Variants in GRIK4 observed in about 807,000 individuals in gnomAD.
The protein encoded by GRIK4 is glutamate receptor ionotropic, kainate 4.
GRIK4 carries 40 observed loss-of-function variants against 104.9 expected under a neutral mutation model. The ratio of observed to expected loss-of-function variants is 0.38; its 90% CI spans 0.30 to 0.50. The LOEUF is 0.50. GRIK4 is among the 20% of genes least tolerant of loss of function. The pLI, the probability that GRIK4 is intolerant of heterozygous loss-of-function variation, is 0.93. For missense variants in GRIK4, 1,047 were observed against 1,308.1 expected, an observed-to-expected ratio of 0.80 and a Z score of 3.08; for synonymous variants, 485 against 524.9, an observed-to-expected ratio of 0.92 and a Z score of 1.04.
chr11:120,803,218 A>C (rs997728818), intron 4 of GRIK4, among the ~76,000 whole-genome samples: 1 of 152,176 alleles, frequency 6.6e-6, no homozygotes, highest in African/African-American at 2.4e-5. Context: ...CTTAGCCACT[A>C]CACATCTGAC....
chr11:120,691,857 C>T (rs1950369798), intron 3 of GRIK4, among the ~76,000 whole-genome samples: 1 of 152,254 alleles, frequency 6.6e-6, no homozygotes. Context: ...TATTTAGGAA[C>T]TGCTGTACTG....
chr11:120,915,272 A>G (rs1181535507), intron 13 of GRIK4, among the ~76,000 whole-genome samples: 2 of 152,144 alleles, frequency 1.3e-5, no homozygotes, highest in Non-Finnish European at 2.9e-5. Context: ...AAACATGTTC[A>G]TGCACTCTCT....
In GRIK4 at chr11:120,985,847, A is replaced by AG. The variant is rs1944733427; in HGVS notation, c.2515-52dup. ...TCATCCCTCATCCCAGCGGACTCGC[A>AG]GGGGGCCCACGGGGGCTGGTTGAGA... On this transcript the variant is annotated intron_variant, in intron 20 of 20. Coordinates refer to ENST00000527524, the MANE Select transcript of GRIK4 (RefSeq NM_014619.5). 4.0e-6 allele frequency: 6 copies of AG among 1,504,294 alleles called. No homozygotes were observed. In the East Asian group the frequency reaches 1.2e-4, roughly 31 times the overall value. 93.2% of individuals were successfully genotyped at this position (1,504,294 alleles called of 1,614,324 possible).
In GRIK4 at chr11:120,815,394, C is replaced by T. The variant is rs377007028; in HGVS notation, c.264C>T (p.Pro88=). The change falls in exon 5 of 21, where the codon CCC becomes CCT. Residue 88 remains proline, a synonymous_variant. Transcript: ENST00000527524. ...ETAETMCQIL[P]KGVVAVLGPS... is the part of the protein sequence containing the mutation. ...TGGCTGCAGTGTGTCAGATCCTCCC[C>T]AAGGGGGTGGTCGCTGTCCTCGGAC... The T allele has an allele frequency of 1.1e-5, 17 of 1,548,602 alleles. No individual in the cohort carries two copies. The African/African-American group carries it at 2.1e-4, about 19-fold the overall frequency.
intron 1 of GRIK4, among the ~76,000 whole-genome samples, chr11:120,612,994 G>A (rs1949056904): frequency 2.6e-5 from 4 of 152,214 alleles, no homozygotes; most frequent in East Asian, 1.9e-4. Flanking sequence ...AGTGACCCTC[G>A]TATTAAGCAG....
chr11:120,874,295 C>T (rs1954707426), intron 10 of GRIK4, 77 bp downstream of exon 10: 3 of 1,192,434 alleles, frequency 2.5e-6, no homozygotes, highest in Admixed American at 4.1e-5. Flanking sequence ...TACAAGAGTC[C>T]CTCAACTCCA....
At chr11:120,916,983 C>T (rs145735082) in intron 13 of GRIK4, among the ~76,000 whole-genome samples, 2,270 of 151,692 alleles carry the variant, frequency 0.015, 49 homozygotes, top group African/African-American at 0.052. Context: ...TGGTGGCTCA[C>T]GCCTGTAATC....
At chr11:120,864,937 G>A (rs74651412) in intron 9 of GRIK4, among the ~76,000 whole-genome samples, 6,185 of 152,296 alleles carry the variant, frequency 0.041, 173 homozygotes, top group Non-Finnish European at 0.066. Context: ...AGGTAGTGAC[G>A]TAACCCCCGT....
chr11:120,855,362 G>A (rs1418001062), intron 8 of GRIK4, among the ~76,000 whole-genome samples: 1 of 152,212 alleles, frequency 6.6e-6, no homozygotes, highest in African/African-American at 2.4e-5. Context: ...GATGCGATGT[G>A]AGGCAAACCT....
intron 1 of GRIK4, among the ~76,000 whole-genome samples, chr11:120,558,493 C>T (rs1948208624): frequency 6.6e-6 from 1 of 152,194 alleles, no homozygotes; most frequent in Non-Finnish European, 1.5e-5. Flanking sequence ...GAGGCTGAAG[C>T]AGGAGAATCG....
intron 14 of GRIK4, among the ~76,000 whole-genome samples, chr11:120,942,024 T>G (rs776822444): frequency 3.3e-5 from 5 of 152,078 alleles, no homozygotes; most frequent in Admixed American, 1.3e-4. Flanking sequence ...AAGAACAGGG[T>G]TCAAACCCAG....
intron 1 of GRIK4, among the ~76,000 whole-genome samples, chr11:120,516,593 C>A (rs554842357): frequency 1.3e-5 from 2 of 151,816 alleles, no homozygotes; most frequent in South Asian, 2.1e-4. Context: ...GGTGAAGATT[C>A]GTGGGCAGAG....
intron 18 of GRIK4, among the ~76,000 whole-genome samples, chr11:120,964,546 A>C (rs1273634971): frequency 1.3e-5 from 2 of 152,310 alleles, no homozygotes; most frequent in Admixed American, 6.5e-5. Flanking sequence ...TGGTAGCGTG[A>C]ACTGCAAAAT....
intron 3 of GRIK4, among the ~76,000 whole-genome samples, chr11:120,697,766 G>A (rs914710247): frequency 6.6e-6 from 1 of 152,168 alleles, no homozygotes; most frequent in African/African-American, 2.4e-5. Context: ...TACTCCTAGG[G>A]CGTGATTTAT....
At chr11:120,634,317 G>A (rs1949369156) in intron 1 of GRIK4, among the ~76,000 whole-genome samples, 1 of 152,166 alleles carries the variant, frequency 6.6e-6, no homozygotes, top group African/African-American at 2.4e-5. Context: ...CTCAGTGCCA[G>A]GGCTATGCCT....
At chr11:120,933,022 G>T (rs185735413) in intron 13 of GRIK4, among the ~76,000 whole-genome samples, 2 of 152,220 alleles carry the variant, frequency 1.3e-5, no homozygotes, top group Non-Finnish European at 2.9e-5. Flanking sequence ...GGAAGGGACT[G>T]GGGAGAATGA....
rs1474460396 is a variant in GRIK4, at chr11:120,511,832, G to A, written c.-214G>A. 2.8e-6 allele frequency: 1 copy of A among 357,362 alleles called. No homozygotes were observed. The highest frequency in any genetic ancestry group is 1.9e-5 in the South Asian group (1 of 53,574). The allele number at this position is 357,362 out of a possible 1,614,324, so 22.1% of individuals were successfully genotyped here. ...AAAAACGGCCAACAGCAGCCCCGCGGCCGGCCCGGCAGCGCCCGGCCCCCG... is the reference window on the plus strand; with the variant it reads ...AAAAACGGCCAACAGCAGCCCCGCGACCGGCCCGGCAGCGCCCGGCCCCCG... On this transcript the variant is annotated 5_prime_UTR_variant, in exon 1 of 21. Coordinates refer to ENST00000527524, the MANE Select transcript of GRIK4 (RefSeq NM_014619.5).
intron 1 of GRIK4, among the ~76,000 whole-genome samples, chr11:120,522,995 CTGTCAGA>C (rs1947813417): frequency 6.6e-6 from 1 of 151,954 alleles, no homozygotes; most frequent in Non-Finnish European, 1.5e-5. Context: ...CCTGCTGAAT[CTGTCAGA>C]TGCCAGATTG....
chr11:120,920,323 G>T (rs916669470), intron 13 of GRIK4, among the ~76,000 whole-genome samples: 12 of 152,166 alleles, frequency 7.9e-5, no homozygotes, highest in African/African-American at 2.9e-4. Flanking sequence ...ACGTAGGGCT[G>T]TATTTTCACC....
Sources: allele counts gnomAD v4.1 joint callset (sites outside exome capture counted in the v4.1 genomes callset), GRCh38; gene constraint gnomAD v4.1.1; transcripts MANE v1.5; gene names NCBI Gene and HGNC (gene_info 2026-07-23, HGNC 2026-07-21).